The following KIAA0825 variants were observed in gnomAD, a reference collection of about 807,000 sequenced individuals.
KIAA0825 encodes the protein uncharacterized protein KIAA0825.
In KIAA0825, 119 loss-of-function variants were observed where a neutral mutation model predicts 147.6. The observed-to-expected ratio is 0.81, with a 90% confidence interval of 0.69 to 0.94. The LOEUF (loss-of-function observed/expected upper bound fraction) is 0.94, where lower values mean the gene tolerates loss of function less well. Among genes scored for constraint, KIAA0825 ranks in the 40% least tolerant of loss-of-function variants. The probability of loss-of-function intolerance (pLI) is 0.00; values close to 1 mark genes in which losing one functional copy is unlikely to be tolerated. For missense variants in KIAA0825, 1,381 were observed against 1,472.7 expected (o/e 0.94, Z 1.02); for synonymous variants, 470 against 518.1 (o/e 0.91, Z 1.26).
intron 13 of KIAA0825, among the ~76,000 whole-genome samples, chr5:94,450,287 T>C (rs1436002020): frequency 6.7e-6 from 1 of 149,374 alleles, no homozygotes; most frequent in Non-Finnish European, 1.5e-5. Flanking sequence ...TAGTAGAGCA[T>C]AGTTTAACAC....
intron 7 of KIAA0825, 108 bp from the exon 8 acceptor site, chr5:94,473,627 C>A (rs539303335): frequency 5.5e-6 from 4 of 724,684 alleles, no homozygotes; most frequent in African/African-American, 3.6e-5. Flanking sequence ...TGAATATATT[C>A]TTTGATATAC....
At chr5:94,163,014 C>A (rs77543132) in intron 20 of KIAA0825, among the ~76,000 whole-genome samples, 4,868 of 152,214 alleles carry the variant, frequency 0.032, 138 homozygotes, top group East Asian at 0.15. Context: ...GCATTAAAAT[C>A]AATTTACCCA....
chr5:94,556,087 C>G (rs1471537005), intron 2 of KIAA0825, among the ~76,000 whole-genome samples: 4 of 150,570 alleles, frequency 2.7e-5, no homozygotes, highest in Non-Finnish European at 1.5e-5. Context: ...GAGTCTCACT[C>G]TGTTGCCCAG....
In KIAA0825 at chr5:94,439,908, T is replaced by C. The variant is rs1756859581; in HGVS notation, c.2497+74A>G. 1.2e-5 allele frequency: 18 copies of C among 1,440,564 alleles called. No individual in the cohort carries two copies. In the South Asian group the frequency reaches 1.9e-4, roughly 16 times the overall value. 89.2% of individuals were successfully genotyped at this position (1,440,564 alleles called of 1,614,324 possible). A position where few individuals can be genotyped will look rare whatever the true frequency, so the allele number is the denominator to read the frequency against. On this transcript the variant is annotated intron_variant, in intron 14 of 20. Transcript: ENST00000682413. ...TTACATCTTTCTTCCAATGTTTGCCTAGGAAAAAAATGTTATTCAACTCGA... is the reference window on the plus strand; with the variant it reads ...TTACATCTTTCTTCCAATGTTTGCCCAGGAAAAAAATGTTATTCAACTCGA...
At chr5:94,485,228 T>A (rs1174879967) in intron 5 of KIAA0825, among the ~76,000 whole-genome samples, 1 of 151,722 alleles carries the variant, frequency 6.6e-6, no homozygotes, top group Non-Finnish European at 1.5e-5. Context: ...ATTCTGCTTT[T>A]TTTTTTCGGT....
At chr5:94,365,997 C>A (rs1745799800) in intron 20 of KIAA0825, among the ~76,000 whole-genome samples, 1 of 152,104 alleles carries the variant, frequency 6.6e-6, no homozygotes, top group Non-Finnish European at 1.5e-5. Context: ...CTCATATGGT[C>A]TTGTAGCCCC....
intron 2 of KIAA0825, among the ~76,000 whole-genome samples, chr5:94,557,551 G>C (rs548578810): frequency 7.9e-5 from 12 of 152,104 alleles, no homozygotes; most frequent in African/African-American, 2.9e-4. Flanking sequence ...TTCCTAAGTT[G>C]ACTAAGAATC....
intron 16 of KIAA0825, among the ~76,000 whole-genome samples, chr5:94,399,757 A>C (rs1032224771): frequency 6.6e-6 from 1 of 152,062 alleles, no homozygotes; most frequent in Non-Finnish European, 1.5e-5. Flanking sequence ...ATATTGATGT[A>C]TTTGTCATTT....
chr5:94,544,826 G>C (rs1774014652), intron 2 of KIAA0825, among the ~76,000 whole-genome samples: 1 of 152,130 alleles, frequency 6.6e-6, no homozygotes, highest in South Asian at 2.1e-4. Flanking sequence ...ATGTCACCAA[G>C]GGTTCTCCGT....
intron 20 of KIAA0825, among the ~76,000 whole-genome samples, chr5:94,238,154 A>G (rs1465576093): frequency 6.6e-6 from 1 of 152,212 alleles, no homozygotes; most frequent in Non-Finnish European, 1.5e-5. Flanking sequence ...AAATGCATCA[A>G]AAAATTATAT....
intron 20 of KIAA0825, among the ~76,000 whole-genome samples, chr5:94,382,648 A>G (rs1434801928): frequency 6.6e-6 from 1 of 152,164 alleles, no homozygotes; most frequent in East Asian, 1.9e-4. Context: ...TTCCAAGAGA[A>G]CTGTTTTGAC....
intron 20 of KIAA0825, among the ~76,000 whole-genome samples, chr5:94,169,747 T>C (rs1426407132): frequency 6.6e-6 from 1 of 152,188 alleles, no homozygotes; most frequent in East Asian, 1.9e-4. Context: ...TTCGGAGCAC[T>C]GTAGGGGTTT....
At chr5:94,167,794 A>C (rs1234324076) in intron 20 of KIAA0825, among the ~76,000 whole-genome samples, 3 of 152,134 alleles carry the variant, frequency 2.0e-5, no homozygotes, top group Non-Finnish European at 4.4e-5. Flanking sequence ...AAGGACATTA[A>C]ATTTTTATAG....
chr5:94,307,736 G>C (rs17489155), intron 20 of KIAA0825, among the ~76,000 whole-genome samples: 8,523 of 151,742 alleles, frequency 0.056, 371 homozygotes, highest in South Asian at 0.2. Flanking sequence ...CTCGAAAACA[G>C]AGATTGTCTT....
chr5:94,380,378 T>C (rs1748231073), intron 20 of KIAA0825, among the ~76,000 whole-genome samples: 1 of 152,228 alleles, frequency 6.6e-6, no homozygotes, highest in Non-Finnish European at 1.5e-5. Context: ...GCTGACTTTT[T>C]CTCTGCATTC....
At chr5:94,452,848 T>G in intron 13 of KIAA0825, 111 bp downstream of exon 13, 1 of 554,202 alleles carries the variant, frequency 1.8e-6, no homozygotes, top group Non-Finnish European at 3.0e-6. Context: ...TGAAAAGTCG[T>G]AAGTTCTTTT....
At chr5:94,381,479 G>A (rs1050603733) in intron 20 of KIAA0825, among the ~76,000 whole-genome samples, 2 of 152,144 alleles carry the variant, frequency 1.3e-5, no homozygotes, top group South Asian at 2.1e-4. Flanking sequence ...AATTGCATTA[G>A]GTATTGAAAG....
At chr5:94,242,951 A>G (rs1457093899) in intron 20 of KIAA0825, among the ~76,000 whole-genome samples, 4 of 152,064 alleles carry the variant, frequency 2.6e-5, no homozygotes. Flanking sequence ...TCTCACTTAT[A>G]TGGAATTTTT....
intron 20 of KIAA0825, among the ~76,000 whole-genome samples, chr5:94,326,239 T>C (rs573489750): frequency 1.1e-4 from 17 of 152,290 alleles, no homozygotes; most frequent in Middle Eastern, 3.4e-3. Context: ...CAAGTTTTAC[T>C]TGTTAAACTG....
Sources: allele counts gnomAD v4.1 joint callset (sites outside exome capture counted in the v4.1 genomes callset), GRCh38; gene constraint gnomAD v4.1.1; transcripts MANE v1.5; gene names NCBI Gene and HGNC (gene_info 2026-07-23, HGNC 2026-07-21).